Variants in SMYD3 observed in about 807,000 individuals in gnomAD.
SMYD3 encodes SET and MYND domain containing 3.
In SMYD3, 36 loss-of-function variants were observed where a neutral mutation model predicts 57.7. The ratio of observed to expected loss-of-function variants is 0.62; its 90% confidence interval spans 0.48 to 0.82. The LOEUF (loss-of-function observed/expected upper bound fraction) is 0.82, where lower values mean the gene tolerates loss of function less well. SMYD3 is among the 40% of genes least tolerant of loss of function. The pLI is 0.00. For missense variants in SMYD3, 515 were observed against 538.8 expected (o/e 0.96, Z 0.44); for synonymous variants, 211 against 195.0 (o/e 1.08, Z -0.68).
chr1:246,222,002 T>C (rs1441439028), intron 5 of SMYD3, among the ~76,000 whole-genome samples: 1 of 152,190 alleles, frequency 6.6e-6, no homozygotes, highest in African/African-American at 2.4e-5. Context: ...ATCTGCTATT[T>C]TGACTGTTTG....
chr1:246,002,929 T>C (rs1466568397), intron 5 of SMYD3, among the ~76,000 whole-genome samples: 1 of 152,144 alleles, frequency 6.6e-6, no homozygotes. Context: ...CCTCTTACAG[T>C]AGTTCCCAAC....
chr1:246,193,134 T>C (rs1297309643), intron 5 of SMYD3, among the ~76,000 whole-genome samples: 2 of 152,154 alleles, frequency 1.3e-5, no homozygotes. Flanking sequence ...TATCCTTAGG[T>C]CCCATTTATC....
At chr1:246,123,525 C>T (rs564308989) in intron 5 of SMYD3, among the ~76,000 whole-genome samples, 89 of 150,706 alleles carry the variant, frequency 5.9e-4, no homozygotes, top group African/African-American at 2.1e-3. Flanking sequence ...CAAGATCACG[C>T]CACTACAATC....
chr1:246,379,683 T>A (rs2066356019), intron 1 of SMYD3, among the ~76,000 whole-genome samples: 1 of 152,016 alleles, frequency 6.6e-6, no homozygotes, highest in African/African-American at 2.4e-5. Flanking sequence ...TCTGGAAAAA[T>A]CATTAATCCA....
chr1:246,007,526 G>A (rs929204293), intron 5 of SMYD3, among the ~76,000 whole-genome samples: 1 of 152,014 alleles, frequency 6.6e-6, no homozygotes, highest in African/African-American at 2.4e-5. Context: ...AAGGCAGAAG[G>A]AGGCCGGGCA....
chr1:245,832,179 C>G (rs1309692911), intron 10 of SMYD3, among the ~76,000 whole-genome samples: 2 of 152,240 alleles, frequency 1.3e-5, no homozygotes, highest in Non-Finnish European at 2.9e-5. Context: ...GGGTCTCACC[C>G]TTCGGGGCTC....
chr1:246,105,558 C>A (rs1482783668), intron 5 of SMYD3, among the ~76,000 whole-genome samples: 1 of 152,120 alleles, frequency 6.6e-6, no homozygotes, highest in Non-Finnish European at 1.5e-5. Context: ...GGAGAAACAC[C>A]TTACTGAAAT....
chr1:246,143,682 A>G (rs998547223), intron 5 of SMYD3, among the ~76,000 whole-genome samples: 2 of 152,094 alleles, frequency 1.3e-5, no homozygotes, highest in African/African-American at 4.8e-5. Context: ...CAATCAATCA[A>G]TCAATCAAAG....
chr1:246,506,664 C>A (rs1247523212), intron 1 of SMYD3, among the ~76,000 whole-genome samples: 6 of 152,206 alleles, frequency 3.9e-5, no homozygotes, highest in Admixed American at 3.9e-4. Context: ...CCCAGCCCCA[C>A]GCCCGCCACG....
intron 5 of SMYD3, among the ~76,000 whole-genome samples, chr1:245,994,369 TGA>T (rs1477552731): frequency 6.6e-6 from 1 of 152,172 alleles, no homozygotes; most frequent in Non-Finnish European, 1.5e-5. Flanking sequence ...AGGCGTCAGC[TGA>T]GAGGGACGCG....
At chr1:245,851,329 A>G (rs1226853843) in intron 10 of SMYD3, among the ~76,000 whole-genome samples, 5 of 152,130 alleles carry the variant, frequency 3.3e-5, no homozygotes, top group Admixed American at 3.3e-4. Flanking sequence ...CTCCATAAAT[A>G]TTTTTGTTGA....
chr1:245,930,149 C>T, intron 5 of SMYD3: 1 of 560,640 alleles, frequency 1.8e-6, no homozygotes, highest in Non-Finnish European at 3.3e-6. Context: ...TGCAGAAATA[C>T]CAACCTCCTG....
At chr1:245,807,294 G>C (rs906979510) in intron 10 of SMYD3, among the ~76,000 whole-genome samples, 12 of 151,826 alleles carry the variant, frequency 7.9e-5, no homozygotes, top group African/African-American at 2.7e-4. Context: ...TCTTACAAAA[G>C]TCAAGAAATT....
chr1:245,872,574 G>T (rs1418833964), intron 8 of SMYD3, among the ~76,000 whole-genome samples: 1 of 152,246 alleles, frequency 6.6e-6, no homozygotes, highest in Admixed American at 6.5e-5. Flanking sequence ...ACCAGGGGCT[G>T]TGAGCCCAAT....
intron 5 of SMYD3, among the ~76,000 whole-genome samples, chr1:246,096,585 G>A (rs1290547955): frequency 6.6e-6 from 1 of 152,160 alleles, no homozygotes; most frequent in Non-Finnish European, 1.5e-5. Flanking sequence ...TTGTACTTAT[G>A]GGAATGCTTT....
In SMYD3 at chr1:246,434,762, G is replaced by A. The variant is rs532996334; in HGVS notation, c.164+72292C>T. 4.6e-4 allele frequency among the ~76,000 whole-genome samples: 70 copies of A among 152,358 alleles called. 1 individual carries two copies. Among genetic ancestry groups the A allele is most frequent in the African/African-American group, 1.7e-3 (69 of 41,580 alleles). On this transcript the variant is annotated intron_variant, in intron 1 of 11. Transcript: ENST00000490107. ...GAGATTTCTCAAAGAACTTGAAACAGAGCTACCATTTGACCCAGCAATGCC... is the reference window on the plus strand; with the variant it reads ...GAGATTTCTCAAAGAACTTGAAACAAAGCTACCATTTGACCCAGCAATGCC...
chr1:245,849,163 A>G (rs2050823887), intron 10 of SMYD3, among the ~76,000 whole-genome samples: 2 of 152,196 alleles, frequency 1.3e-5, no homozygotes, highest in African/African-American at 4.8e-5. Flanking sequence ...TACAAAGTAG[A>G]TTCTAGTGGC....
chr1:246,071,243 G>A (rs1425779602), intron 5 of SMYD3, among the ~76,000 whole-genome samples: 1 of 152,062 alleles, frequency 6.6e-6, no homozygotes, highest in African/African-American at 2.4e-5. Context: ...GTGTGTGTCT[G>A]TAAAAAAAAA....
chr1:246,354,514 A>C (rs1477768106), intron 2 of SMYD3, among the ~76,000 whole-genome samples: 8 of 152,232 alleles, frequency 5.3e-5, no homozygotes, highest in African/African-American at 1.4e-4. Context: ...AAAAGTGCCA[A>C]GCATTCATTA....
Sources: gnomAD v4.1 joint callset for allele counts (sites outside exome capture counted in the v4.1 genomes callset) on GRCh38, gnomAD v4.1.1 for gene constraint, MANE v1.5 for transcripts, NCBI Gene and HGNC (gene_info 2026-07-23, HGNC 2026-07-21) for gene names.